PEBP4: variants seen among roughly 807,000 people sequenced by gnomAD.
PEBP4 encodes the protein phosphatidylethanolamine binding protein 4.
A neutral mutation model predicts 23.9 loss-of-function variants in PEBP4; 22 were observed. The observed-to-expected ratio is 0.92, with a 90% CI of 0.66 to 1.31. The LOEUF is 1.31. PEBP4 is among the 40% of genes most tolerant of loss of function. The pLI is 0.00. For synonymous variants in PEBP4, 112 were observed against 99.3 expected, an observed-to-expected ratio of 1.13 and a Z score of -0.76; for missense variants, 324 against 281.7, an observed-to-expected ratio of 1.15 and a Z score of -1.07.
chr8:22,770,002 C>T (rs557187674), intron 4 of PEBP4, among the ~76,000 whole-genome samples: 3 of 152,172 alleles, frequency 2.0e-5, no homozygotes, highest in Non-Finnish European at 4.4e-5. Context: ...ACTCTCTCCT[C>T]TTGTCCACCC....
chr8:22,839,852 G>T (rs767562321), intron 3 of PEBP4, among the ~76,000 whole-genome samples: 1 of 152,022 alleles, frequency 6.6e-6, no homozygotes, highest in East Asian at 1.9e-4. Flanking sequence ...TTACCCCCTC[G>T]CCCAAACCCC....
chr8:22,921,536 C>T (rs1442517920), intron 2 of PEBP4, among the ~76,000 whole-genome samples: 1 of 152,062 alleles, frequency 6.6e-6, no homozygotes, highest in Non-Finnish European at 1.5e-5. Context: ...CCCACCCTTC[C>T]AGTGGCTCCT....
chr8:22,805,335 T>TTTTG (rs1372595842), intron 4 of PEBP4, among the ~76,000 whole-genome samples: 1 of 152,030 alleles, frequency 6.6e-6, no homozygotes, highest in African/African-American at 2.4e-5. Flanking sequence ...TTTTGTTTTG[T>TTTTG]TTTGTTTTGA....
chr8:22,869,879 G>C (rs889875413), intron 3 of PEBP4, among the ~76,000 whole-genome samples: 5 of 152,168 alleles, frequency 3.3e-5, no homozygotes, highest in African/African-American at 1.2e-4. Flanking sequence ...CTATTGGAAT[G>C]GCCCAAATCC....
At position 22,923,490 on chromosome 8, in the gene PEBP4, C is replaced by T. The variant is rs377046918; in HGVS notation, c.132-3180G>A. ...GCTGAGGTGGGAGGATCGCTTGAGT[C>T]TGGGAGGTCAAGGTTGCAGTGAGCC... On this transcript the variant is annotated intron_variant, in intron 2 of 6. Transcript: ENST00000256404. Among the ~76,000 whole-genome samples, 10 of 152,194 alleles carry T rather than the reference C, an allele frequency of 6.6e-5. 1 individual carries two copies. The highest frequency in any genetic ancestry group is 2.4e-4 in the African/African-American group (10 of 41,536).
chr8:22,881,193 G>T (rs371685920), intron 3 of PEBP4, among the ~76,000 whole-genome samples: 1 of 152,200 alleles, frequency 6.6e-6, no homozygotes, highest in East Asian at 1.9e-4. Context: ...TGTCCCCAGG[G>T]ATGCCCCAGT....
At chr8:22,886,082 A>G (rs1287369169) in intron 3 of PEBP4, 2 of 152,246 alleles carry the variant, frequency 1.3e-5, no homozygotes, top group African/African-American at 4.8e-5. Context: ...TTCAACAATG[A>G]AACCCTTACT....
At chr8:22,871,937 C>T (rs1219768015) in intron 3 of PEBP4, among the ~76,000 whole-genome samples, 1 of 152,112 alleles carries the variant, frequency 6.6e-6, no homozygotes, top group Non-Finnish European at 1.5e-5. Context: ...CTCCCAACCT[C>T]CCCCCGCAAG....
intron 3 of PEBP4, among the ~76,000 whole-genome samples, chr8:22,910,161 G>A (rs545950397): frequency 3.2e-4 from 49 of 152,142 alleles, no homozygotes; most frequent in African/African-American, 1.1e-3. Context: ...TTCTCATCAC[G>A]GACAGGGATC....
chr8:22,896,080 C>G (rs1808584239), intron 3 of PEBP4: 1 of 152,332 alleles, frequency 6.6e-6, no homozygotes, highest in East Asian at 1.9e-4. Context: ...ACCATGTTCC[C>G]AAATCCCACA....
Position 22,922,419 on chromosome 8 carries a change from A to G in PEBP4, c.132-2109T>C, listed in dbSNP as rs140506033. Among the ~76,000 whole-genome samples the G allele has an allele frequency of 4.7e-3, 717 of 151,838 alleles. 9 individuals are homozygous for G. The highest frequency in any genetic ancestry group is 0.024 in the Middle Eastern group (7 of 294). On this transcript the variant is annotated intron_variant, in intron 2 of 6. Coordinates refer to ENST00000256404, the MANE Select transcript of PEBP4 (RefSeq NM_144962.3). ...ATCAAAAATTAAAGTTACTGAGAAAATACACTTTAAATTTTGCATTCAAGA... is the reference window on the plus strand; with the variant it reads ...ATCAAAAATTAAAGTTACTGAGAAAGTACACTTTAAATTTTGCATTCAAGA...
intron 4 of PEBP4, among the ~76,000 whole-genome samples, chr8:22,735,162 G>T (rs1804832829): frequency 6.6e-6 from 1 of 152,168 alleles, no homozygotes; most frequent in Non-Finnish European, 1.5e-5. Flanking sequence ...CACAGGTCAT[G>T]GTATAAGGAG....
At chr8:22,846,071 A>G (rs1321735974) in intron 3 of PEBP4, among the ~76,000 whole-genome samples, 2 of 152,244 alleles carry the variant, frequency 1.3e-5, no homozygotes, top group African/African-American at 4.8e-5. Flanking sequence ...TCCTTCTTCT[A>G]TGCGGACCTC....
At chr8:22,910,237 G>A (rs952604595) in intron 3 of PEBP4, among the ~76,000 whole-genome samples, 7 of 152,364 alleles carry the variant, frequency 4.6e-5, no homozygotes, top group African/African-American at 1.4e-4. Context: ...CAGCACTGAC[G>A]TGCTACAAAT....
chr8:22,909,628 G>A (rs1197260502), intron 3 of PEBP4, among the ~76,000 whole-genome samples: 2 of 152,124 alleles, frequency 1.3e-5, no homozygotes, highest in Non-Finnish European at 2.9e-5. Flanking sequence ...CAGGATGTTC[G>A]GGGTGTACTG....
chr8:22,778,995 G>A (rs1563213519), intron 4 of PEBP4, among the ~76,000 whole-genome samples: 2 of 151,516 alleles, frequency 1.3e-5, no homozygotes, highest in South Asian at 4.2e-4. Flanking sequence ...GGGGGCACGG[G>A]CTGCATGGGA....
At chr8:22,879,658 C>T (rs1024905375) in intron 3 of PEBP4, among the ~76,000 whole-genome samples, 7 of 152,112 alleles carry the variant, frequency 4.6e-5, no homozygotes, top group African/African-American at 9.7e-5. Context: ...GGTCGAGGGT[C>T]GGGGAGGACA....
At chr8:22,906,869 A>G (rs1295775064) in intron 3 of PEBP4, among the ~76,000 whole-genome samples, 1 of 152,242 alleles carries the variant, frequency 6.6e-6, no homozygotes, top group Non-Finnish European at 1.5e-5. Flanking sequence ...GTGAGAATAG[A>G]TAAAATGAAC....
intron 4 of PEBP4, among the ~76,000 whole-genome samples, chr8:22,762,698 A>G (rs934025680): frequency 1.3e-5 from 2 of 152,082 alleles, no homozygotes; most frequent in South Asian, 2.1e-4. Flanking sequence ...AAGTGGGGCC[A>G]TGTTCTCCCC....
Sources: allele counts gnomAD v4.1 joint callset (sites outside exome capture counted in the v4.1 genomes callset), GRCh38; gene constraint gnomAD v4.1.1; transcripts MANE v1.5; gene names NCBI Gene and HGNC (gene_info 2026-07-23, HGNC 2026-07-21).